Variants in CDC42BPB observed in about 807,000 individuals in gnomAD.
CDC42BPB encodes serine/threonine-protein kinase MRCK beta.
A neutral mutation model predicts 214.9 loss-of-function variants in CDC42BPB; 37 were observed. The observed-to-expected ratio is 0.17, with a 90% CI of 0.13 to 0.23. The LOEUF (loss-of-function observed/expected upper bound fraction) is 0.23. Among genes scored for constraint, CDC42BPB ranks in the 10% least tolerant of loss-of-function variants. The pLI is 1.00. For synonymous variants in CDC42BPB, 931 were observed against 884.0 expected (o/e 1.05, Z -0.94); for missense variants, 1,694 against 2,227.0 (o/e 0.76, Z 4.82).
rs986642447 is a variant in CDC42BPB, at chr14:102,933,310, T to C, written c.*402A>G. 12 of 170,498 alleles carry C rather than the reference T, an allele frequency of 7.0e-5. No homozygotes were observed. In the East Asian group the frequency reaches 1.9e-3, roughly 27 times the overall value. The allele number at this position is 170,498 out of a possible 1,614,324, so 10.6% of individuals were successfully genotyped here. ...CTATTCTCTTAAGGTCCTAGGAAAG[T>C]TTCAGGAACTAGGGAAAAGACTGGG... On this transcript the variant is annotated 3_prime_UTR_variant, in exon 37 of 37. Coordinates refer to ENST00000361246, the MANE Select transcript of CDC42BPB (RefSeq NM_006035.4).
At chr14:102,998,733 C>T (rs966709395) in intron 5 of CDC42BPB, among the ~76,000 whole-genome samples, 1 of 152,184 alleles carries the variant, frequency 6.6e-6, no homozygotes, top group Admixed American at 6.5e-5. Flanking sequence ...CTTCCTCAAG[C>T]CCTATTTCCT....
Position 103,004,705 on chromosome 14 carries a change from TA to T in CDC42BPB, c.352-683del, listed in dbSNP as rs1334671538. ...CAACATGATGAAACCCTGTCTCTAC[TA>T]AAAACTAGAAAAACTAGCCAGGTGT... On this transcript the variant is annotated intron_variant, in intron 3 of 36. Transcript: ENST00000361246. This position sits in a 1 kb window ranked among gnomAD's most constrained non-coding sequence, Gnocchi z 5.3. Among the ~76,000 whole-genome samples, 3 of 152,036 alleles carry T rather than the reference TA, an allele frequency of 2.0e-5. No individual in the cohort carries two copies. The highest frequency in any genetic ancestry group is 7.2e-5 in the African/African-American group (3 of 41,472).
At chr14:103,012,010 C>T (rs1435493663) in intron 2 of CDC42BPB, 87 bp downstream of exon 2, 2 of 838,618 alleles carry the variant, frequency 2.4e-6, no homozygotes, top group Non-Finnish European at 4.1e-6. Context: ...ATCCCCAAAC[C>T]AATGTATAGG....
chr14:103,025,742 C>A (rs1272879365), intron 1 of CDC42BPB, among the ~76,000 whole-genome samples: 1 of 149,114 alleles, frequency 6.7e-6, no homozygotes, highest in Non-Finnish European at 1.5e-5. Flanking sequence ...CGCTTGAACC[C>A]AGGAGGCAGA....
intron 1 of CDC42BPB, among the ~76,000 whole-genome samples, chr14:103,017,074 C>A (rs1886505998): frequency 6.6e-6 from 1 of 152,210 alleles, no homozygotes; most frequent in African/African-American, 2.4e-5. Context: ...GGAATCCCAG[C>A]ACTTTGGGAG....
chr14:102,940,412 A>T, intron 30 of CDC42BPB, 88 bp from the exon 31 acceptor site: 1 of 1,540,630 alleles, frequency 6.5e-7, no homozygotes, highest in Non-Finnish European at 8.8e-7. Context: ...TGGCACTTGA[A>T]CAAGTGCAGA....
In CDC42BPB at chr14:102,959,609, TAA is replaced by T; in HGVS notation, c.2901+20_2901+21del. 1.5e-6 allele frequency: 2 copies of T among 1,355,240 alleles called. No individual in the cohort carries two copies. Among genetic ancestry groups the T allele is most frequent in the Non-Finnish European group, 2.0e-6 (2 of 989,072 alleles). 84.0% of individuals were successfully genotyped at this position (1,355,240 alleles called of 1,614,324 possible). A position where few individuals can be genotyped will look rare whatever the true frequency, so the allele number is the denominator to read the frequency against. The stretch of plus-strand genomic sequence containing the variant: ...ACTTATCATAAACTCATCTGTCACT[TAA>T]AAAAAAAACAATGACTTACTCTAAA... On this transcript the variant is annotated intron_variant, in intron 21 of 36. Coordinates refer to ENST00000361246, the MANE Select transcript of CDC42BPB (RefSeq NM_006035.4).
intron 12 of CDC42BPB, among the ~76,000 whole-genome samples, chr14:102,973,708 G>A (rs1225283472): frequency 2.0e-5 from 3 of 152,046 alleles, no homozygotes; most frequent in Non-Finnish European, 2.9e-5. Context: ...ATGCAGTGGG[G>A]TGCTGCTTTC....
chr14:102,996,120 ACGAGG>A (rs1167673779), intron 5 of CDC42BPB, among the ~76,000 whole-genome samples: 2 of 152,238 alleles, frequency 1.3e-5, no homozygotes, highest in Non-Finnish European at 2.9e-5. Context: ...CGGGCGGATC[ACGAGG>A]TCAGGAGATC....
intron 28 of CDC42BPB, among the ~76,000 whole-genome samples, 168 bp from the exon 29 acceptor site, chr14:102,945,892 C>A (rs1892142319): frequency 6.6e-6 from 1 of 152,264 alleles, no homozygotes; most frequent in South Asian, 2.1e-4. Flanking sequence ...TTTCTCTCTA[C>A]ACGAACTCCA....
chr14:102,985,114 A>C (rs926022507), intron 6 of CDC42BPB, among the ~76,000 whole-genome samples: 1 of 151,502 alleles, frequency 6.6e-6, no homozygotes, highest in Non-Finnish European at 1.5e-5. Context: ...AGGGTAACCC[A>C]TGTTCTGGTT....
chr14:102,959,598 C>T (rs964024981), intron 21 of CDC42BPB, 33 bp downstream of exon 21: 12 of 1,448,846 alleles, frequency 8.3e-6, no homozygotes, highest in Non-Finnish European at 1.1e-5. Flanking sequence ...ATCATAAACT[C>T]ATCTGTCACT....
chr14:102,972,016 C>A lies in CDC42BPB; in HGVS notation c.1787G>T (p.Arg596Leu). 1 of 1,614,234 alleles carries A rather than the reference C, an allele frequency of 6.2e-7. No individual in the cohort carries two copies. The highest frequency in any genetic ancestry group is 8.5e-7 in the Non-Finnish European group (1 of 1,180,040). ...CTCCTCCTCCTTGTCTCGCAGCTGC[C>A]GGGACACCTTCTGCTTCTGGGCACG... ...ELRAQKQKVS[R>L]QLRDKEEEME... Residue 596 changes from arginine to leucine, a missense_variant, in exon 13 of 37, where the codon CGG becomes CTG. By Grantham distance (102) the Arg-to-Leu change is moderately radical. Around this residue, in one of 7 missense-constraint regions of CDC42BPB, gnomAD observed 462 missense variants for 513.5 expected, o/e 0.90. Transcript: ENST00000361246.
At chr14:103,033,651 CAA>C (rs1284619663) in intron 1 of CDC42BPB, among the ~76,000 whole-genome samples, 2 of 152,218 alleles carry the variant, frequency 1.3e-5, no homozygotes, top group South Asian at 2.1e-4. Context: ...ATAAAAAACT[CAA>C]GAGACTCCAA....
chr14:102,958,433 T>C (rs919977651), intron 21 of CDC42BPB, among the ~76,000 whole-genome samples: 4 of 152,128 alleles, frequency 2.6e-5, no homozygotes, highest in Non-Finnish European at 5.9e-5. Flanking sequence ...GCTGGAGTTT[T>C]CTAAATCAAA....
intron 7 of CDC42BPB, among the ~76,000 whole-genome samples, chr14:102,982,113 T>C (rs1894031807): frequency 6.6e-6 from 1 of 152,240 alleles, no homozygotes; most frequent in Non-Finnish European, 1.5e-5. Flanking sequence ...CAGTTGTTAC[T>C]TTAACAGAAT....
intron 21 of CDC42BPB, 107 bp from the exon 22 acceptor site, chr14:102,954,795 A>G: frequency 1.4e-6 from 2 of 1,481,136 alleles, no homozygotes; most frequent in Non-Finnish European, 1.8e-6. Context: ...TCTAGCCCAG[A>G]AGTCCCAGCG....
chr14:103,022,829 T>C (rs1886845908), intron 1 of CDC42BPB, among the ~76,000 whole-genome samples: 1 of 152,142 alleles, frequency 6.6e-6, no homozygotes, highest in South Asian at 2.1e-4. Context: ...ACGAACATTA[T>C]TGGTGCTTGC....
chr14:103,008,284 G>A (rs1033083080), intron 3 of CDC42BPB, among the ~76,000 whole-genome samples, 188 bp downstream of exon 3: 1 of 152,234 alleles, frequency 6.6e-6, no homozygotes, highest in African/African-American at 2.4e-5. Context: ...GCAAGTGGTC[G>A]CTGAGGCGGG....
Sources: allele counts gnomAD v4.1 joint callset (sites outside exome capture counted in the v4.1 genomes callset), GRCh38; gene constraint gnomAD v4.1.1; regional missense constraint gnomAD v4.1.1; non-coding constraint Gnocchi (gnomAD v3.1); transcripts MANE v1.5; gene names NCBI Gene and HGNC (gene_info 2026-07-23, HGNC 2026-07-21).